The following RANBP2 variants were observed in gnomAD, a reference collection of about 807,000 sequenced individuals.
The protein encoded by RANBP2 is RAN binding protein 2.
In RANBP2, 57 loss-of-function variants were observed where a neutral mutation model predicts 303.6. The ratio of observed to expected loss-of-function variants is 0.19; its 90% CI spans 0.15 to 0.23. The LOEUF (loss-of-function observed/expected upper bound fraction) is 0.23, where lower values mean the gene tolerates loss of function less well. Among genes scored for constraint, RANBP2 ranks in the 10% least tolerant of loss-of-function variants. The probability of loss-of-function intolerance (pLI) is 1.00; values close to 1 mark genes in which losing one functional copy is unlikely to be tolerated. For synonymous variants in RANBP2, 1,167 were observed against 1,301.5 expected (o/e 0.90, Z 2.23); for missense variants, 3,138 against 3,780.8 (o/e 0.83, Z 4.46).
chr2:109,214,882 C>G, the RANBP2 span, among the ~76,000 whole-genome samples: 1 of 152,178 alleles, frequency 6.6e-6, no homozygotes, highest in Non-Finnish European at 1.5e-5. Flanking sequence ...TTTGGGAGAT[C>G]TGAGACTTGG....
the RANBP2 span, chr2:109,419,671 C>T: frequency 6.5e-7 from 1 of 1,545,716 alleles, no homozygotes; most frequent in African/African-American, 1.4e-5. Context: ...CTGTCGGGGT[C>T]CTGTGCCTGC....
chr2:109,564,084 G>A, the RANBP2 span: 2 of 329,204 alleles, frequency 6.1e-6, no homozygotes, highest in Non-Finnish European at 1.1e-5. Context: ...TTTTCCTTCA[G>A]TTACTCATGT....
intron 7 of RANBP2, among the ~76,000 whole-genome samples, chr2:108,742,541 C>T (rs826564): frequency 4.0e-5 from 6 of 150,982 alleles, no homozygotes; most frequent in East Asian, 4.0e-4. Flanking sequence ...TCTGACCTCG[C>T]GATCCACCCG....
At chr2:109,003,457 C>T in the RANBP2 span, among the ~76,000 whole-genome samples, 1 of 151,530 alleles carries the variant, frequency 6.6e-6, no homozygotes, top group South Asian at 2.1e-4. Flanking sequence ...GTTGCCCAGA[C>T]TGGAGTGCAA....
the RANBP2 span, among the ~76,000 whole-genome samples, chr2:109,490,326 G>A: frequency 5.3e-5 from 8 of 152,086 alleles, no homozygotes; most frequent in African/African-American, 1.4e-4. Flanking sequence ...TTGGTGTCCC[G>A]AAGCTCCAGG....
chr2:109,361,586 G>A, the RANBP2 span, among the ~76,000 whole-genome samples: 1 of 152,130 alleles, frequency 6.6e-6, no homozygotes, highest in Non-Finnish European at 1.5e-5. Flanking sequence ...CAATTCTCCT[G>A]CCTCAGCCTC....
the RANBP2 span, among the ~76,000 whole-genome samples, chr2:109,596,817 T>C: frequency 1.3e-3 from 191 of 152,154 alleles, no homozygotes; most frequent in Non-Finnish European, 2.2e-3. Flanking sequence ...ATTAGTAAGT[T>C]TAAATGAGTC....
chr2:108,828,769 G>T, the RANBP2 span, among the ~76,000 whole-genome samples: 5 of 152,142 alleles, frequency 3.3e-5, no homozygotes, highest in African/African-American at 1.2e-4. Context: ...ACCAGGTCAG[G>T]AGTTCGAGAC....
In RANBP2 at chr2:108,765,003, T is replaced by C; in HGVS notation, c.4464T>C (p.Cys1488=). Residue 1488 remains cysteine (C), a synonymous_variant, in exon 20 of 29, where the codon TGT becomes TGC. Transcript: ENST00000283195. ...TKEGQWDCSA[C]LVQNEGSSTK... The stretch of plus-strand genomic sequence containing the variant: ...AAGGACAGTGGGATTGCAGTGCATG[T>C]TTGGTACAAAATGAGGGGAGCTCTA... 1.2e-6 allele frequency: 2 copies of C among 1,609,726 alleles called. No individual in the cohort carries two copies. The highest frequency in any genetic ancestry group is 1.7e-6 in the Non-Finnish European group (2 of 1,178,498).
chr2:108,811,979 T>C, the RANBP2 span, among the ~76,000 whole-genome samples: 1 of 152,342 alleles, frequency 6.6e-6, no homozygotes, highest in South Asian at 2.1e-4. Flanking sequence ...CATAGTATTC[T>C]ATTCATGGTG....
the RANBP2 span, among the ~76,000 whole-genome samples, chr2:109,557,206 T>C: frequency 6.6e-6 from 1 of 152,144 alleles, no homozygotes; most frequent in South Asian, 2.1e-4. Context: ...AAAAAAATCT[T>C]GAATGCATAA....
At chr2:109,799,230 T>C in the RANBP2 span, among the ~76,000 whole-genome samples, 3 of 113,238 alleles carry the variant, frequency 2.6e-5, no homozygotes, top group East Asian at 2.7e-4. Context: ...AGAGCAAGAC[T>C]CCATCTCAAA....
the RANBP2 span, among the ~76,000 whole-genome samples, chr2:109,217,335 G>A: frequency 1.1e-4 from 16 of 152,266 alleles, 1 homozygote; most frequent in East Asian, 2.1e-3. Flanking sequence ...TTGTAGATAC[G>A]TATTTGGAAC....
the RANBP2 span, among the ~76,000 whole-genome samples, chr2:109,569,562 G>T: frequency 6.6e-6 from 1 of 151,850 alleles, no homozygotes; most frequent in Non-Finnish European, 1.5e-5. Context: ...CCCAAGGAGA[G>T]AAATTTTTTC....
At chr2:109,173,868 T>A in the RANBP2 span, among the ~76,000 whole-genome samples, 1 of 152,246 alleles carries the variant, frequency 6.6e-6, no homozygotes, top group Admixed American at 6.5e-5. Flanking sequence ...TCAGCTCTTT[T>A]GCTGTTGCTT....
the RANBP2 span, among the ~76,000 whole-genome samples, chr2:108,972,912 G>A: frequency 6.6e-6 from 1 of 152,234 alleles, no homozygotes; most frequent in Non-Finnish European, 1.5e-5. Context: ...CCCAGAACAA[G>A]GCAACCTGTG....
the RANBP2 span, among the ~76,000 whole-genome samples, chr2:109,387,012 G>A: frequency 6.6e-6 from 1 of 152,068 alleles, no homozygotes; most frequent in African/African-American, 2.4e-5. Context: ...CTCAAAATAA[G>A]AAAATTCAGA....
chr2:109,689,390 G>T, the RANBP2 span, among the ~76,000 whole-genome samples: 7 of 152,118 alleles, frequency 4.6e-5, no homozygotes, highest in Admixed American at 3.9e-4. Context: ...AGGCCTCCTA[G>T]ATGGACCTTT....
the RANBP2 span, among the ~76,000 whole-genome samples, chr2:109,250,359 T>C: frequency 2.6e-5 from 4 of 152,286 alleles, no homozygotes; most frequent in Non-Finnish European, 5.9e-5. Context: ...CTCCATCAGC[T>C]CTGAATTCAC....
Sources: gnomAD v4.1 joint callset for allele counts (sites outside exome capture counted in the v4.1 genomes callset) on GRCh38, gnomAD v4.1.1 for gene constraint, MANE v1.5 for transcripts, NCBI Gene and HGNC (gene_info 2026-07-23, HGNC 2026-07-21) for gene names.